UBAP1L: variants seen among roughly 807,000 people sequenced by gnomAD.
UBAP1L encodes ubiquitin associated protein 1 like, also known as ubiquitin-associated protein 1-like.
UBAP1L carries 32 observed loss-of-function variants against 32.1 expected under a neutral mutation model. That is an observed-to-expected ratio of 1.00 (90% CI 0.75 to 1.34). UBAP1L has a LOEUF of 1.34. UBAP1L is among the 40% of genes most tolerant of loss of function. The pLI, the probability that UBAP1L is intolerant of heterozygous loss-of-function variation, is 0.00. For synonymous variants in UBAP1L, 243 were observed against 250.2 expected, an observed-to-expected ratio of 0.97 and a Z score of 0.27; for missense variants, 516 against 540.5, an observed-to-expected ratio of 0.95 and a Z score of 0.45.
chr15:65,103,830 G>A (rs2087272076), intron 2 of UBAP1L, among the ~76,000 whole-genome samples: 1 of 152,218 alleles, frequency 6.6e-6, no homozygotes, highest in Non-Finnish European at 1.5e-5. Flanking sequence ...CAGAACTAAT[G>A]AGGCATACTT....
At chr15:65,110,041 A>G (rs967821635) in intron 1 of UBAP1L, among the ~76,000 whole-genome samples, 1 of 152,220 alleles carries the variant, frequency 6.6e-6, no homozygotes, top group Non-Finnish European at 1.5e-5. Flanking sequence ...AAACTACATT[A>G]AATATTGAGT....
intron 2 of UBAP1L, chr15:65,104,960 TTG>T: frequency 3.0e-6 from 1 of 338,056 alleles, no homozygotes; most frequent in Non-Finnish European, 6.0e-6. Flanking sequence ...TGAGCCGAGA[TTG>T]CGCCACTGCA....
intron 2 of UBAP1L, chr15:65,104,879 T>C (rs1419344591): frequency 1.0e-5 from 4 of 390,110 alleles, no homozygotes; most frequent in Admixed American, 6.4e-5. Flanking sequence ...TGGTGGTGCA[T>C]GCCTGTAATC....
At position 65,110,709 on chromosome 15, in the gene UBAP1L, A is replaced by G. The variant is rs910432346; in HGVS notation, c.-173-4321T>C. ...CAAAAAAAAAAAAAAAAAAGAAAAG[A>G]AAAGAAAAAGAACAAACTCATTCAC... On this transcript the variant is annotated intron_variant, in intron 1 of 5. Transcript: ENST00000559089. Among the ~76,000 whole-genome samples the G allele has an allele frequency of 2.0e-5, 3 of 151,512 alleles. No individual in the cohort carries two copies. In the East Asian group the frequency reaches 5.8e-4, roughly 29 times the overall value.
chr15:65,112,909 TA>T (rs1469170294), intron 1 of UBAP1L, among the ~76,000 whole-genome samples: 1 of 152,216 alleles, frequency 6.6e-6, no homozygotes, highest in East Asian at 1.9e-4. Flanking sequence ...TTTTATCTCC[TA>T]AATCTCTGGA....
intron 1 of UBAP1L, among the ~76,000 whole-genome samples, chr15:65,110,708 GA>G (rs1210248622): frequency 6.8e-6 from 1 of 147,114 alleles, no homozygotes; most frequent in Non-Finnish European, 1.5e-5. Flanking sequence ...AAAAAGAAAA[GA>G]AAAGAAAAAG....
At chr15:65,097,857 C>T (rs377316532) in intron 4 of UBAP1L, 2 of 152,138 alleles carry the variant, frequency 1.3e-5, no homozygotes, top group African/African-American at 4.8e-5. Context: ...TCTGCCATTC[C>T]CTCTGGCAGA....
At chr15:65,097,738 G>T (rs1354986166) in intron 4 of UBAP1L, 1 of 152,210 alleles carries the variant, frequency 6.6e-6, no homozygotes, top group East Asian at 1.9e-4. Flanking sequence ...TCCAGGACAG[G>T]GCATGAACTG....
intron 1 of UBAP1L, among the ~76,000 whole-genome samples, chr15:65,110,689 A>G (rs1333315009): frequency 1.3e-5 from 2 of 150,668 alleles, no homozygotes; most frequent in Non-Finnish European, 3.0e-5. Flanking sequence ...TGTCTCAAAA[A>G]AAAAAAAAAA....
At chr15:65,097,449 T>C (rs1163095837) in intron 4 of UBAP1L, 3 of 152,234 alleles carry the variant, frequency 2.0e-5, no homozygotes, top group Non-Finnish European at 2.9e-5. Flanking sequence ...CCTGGGAGGT[T>C]CTCACACAGA....
chr15:65,113,652 A>G (rs1376491361), intron 1 of UBAP1L, among the ~76,000 whole-genome samples: 1 of 152,112 alleles, frequency 6.6e-6, no homozygotes, highest in African/African-American at 2.4e-5. Flanking sequence ...GGAGACTGAG[A>G]CGAGAGAACT....
chr15:65,111,639 C>CA, intron 1 of UBAP1L, among the ~76,000 whole-genome samples: 1 of 152,158 alleles, frequency 6.6e-6, no homozygotes, highest in Non-Finnish European at 1.5e-5. Context: ...CACCCACCAC[C>CA]ACGCCTGGCT....
chr15:65,093,122 T>G lies in UBAP1L; in HGVS notation c.1121A>C (p.Glu374Ala), dbSNP rs963808214. The change falls in exon 6 of 6, where the codon GAG becomes GCG. Residue 374 changes from glutamate (E) to alanine (A), a missense_variant. Glu to Ala is a moderately radical substitution (Grantham distance 107, BLOSUM62 -1). Transcript: ENST00000559089. ...TCACTGGGCACAGGCCACCAGCTCC[T>G]CCAGGGCTTGCTCTCGGCGGTTGCC... ...VHGNRREQAL[E>A]ELVACAQ The G allele has an allele frequency of 3.9e-6, 6 of 1,549,384 alleles. No homozygotes were observed. The African/African-American group carries it at 8.2e-5, about 21-fold the overall frequency.
Position 65,102,797 on chromosome 15 carries a change from C to A in UBAP1L, c.121-113G>T. On this transcript the variant is annotated intron_variant, in intron 2 of 5. Transcript: ENST00000559089. This position sits in a 1 kb window ranked among gnomAD's most constrained non-coding sequence, Gnocchi z 5.0. ...CCAGAGACTCTCTAAGCCTGGACAGCGTCAGATTCTGAGCCCCGGGCTTCC... is the reference window on the plus strand; with the variant it reads ...CCAGAGACTCTCTAAGCCTGGACAGAGTCAGATTCTGAGCCCCGGGCTTCC... 1.0e-6 allele frequency: 1 copy of A among 993,580 alleles called. No individual in the cohort carries two copies. Among genetic ancestry groups the A allele is most frequent in the Admixed American group, 3.1e-5 (1 of 32,342 alleles). 61.5% of individuals were successfully genotyped at this position (993,580 alleles called of 1,614,324 possible).
At position 65,102,192 on chromosome 15, in the gene UBAP1L, G is replaced by A. The variant is rs2087248443; in HGVS notation, c.613C>T (p.Gln205Ter). 4 of 1,198,936 alleles carry A rather than the reference G, an allele frequency of 3.3e-6. No individual in the cohort carries two copies. Among genetic ancestry groups the A allele is most frequent in the African/African-American group, 1.6e-5 (1 of 62,622 alleles). The allele number at this position is 1,198,936 out of a possible 1,614,324, so 74.3% of individuals were successfully genotyped here. A position where few individuals can be genotyped will look rare whatever the true frequency, so the allele number is the denominator to read the frequency against. The part of the protein sequence containing the change: ...RSASPPGPAP[Q>*]HPAAPASPPR... ...GGCGACGCGGGGGCGGCGGGGTGCT[G>A]GGGCGCGGGCCCCGGGGGTGATGCA... The change falls in exon 3 of 6, where the codon CAG (glutamine) becomes TAG (stop). Residue 205 changes from glutamine to a stop codon, truncating the protein, a stop_gained. Coordinates refer to ENST00000559089, the MANE Select transcript of UBAP1L (RefSeq NM_001163692.2). LOFTEE classifies it high-confidence loss of function. This position sits in a 1 kb window ranked among gnomAD's most constrained non-coding sequence, Gnocchi z 5.0.
chr15:65,110,444 G>A lies in UBAP1L; in HGVS notation c.-173-4056C>T, dbSNP rs139432664. Among the ~76,000 whole-genome samples the A allele has an allele frequency of 3.6e-4, 54 of 151,444 alleles. No individual in the cohort carries two copies. The East Asian group carries it at 9.8e-3, about 27-fold the overall frequency. ...TCTAATCCCAGCACTCTGGGAGGCCGAGGTGGGTGGATCACCTGAGGTCAG... is the reference window on the plus strand; with the variant it reads ...TCTAATCCCAGCACTCTGGGAGGCCAAGGTGGGTGGATCACCTGAGGTCAG... On this transcript the variant is annotated intron_variant, in intron 1 of 5. Coordinates refer to ENST00000559089, the MANE Select transcript of UBAP1L (RefSeq NM_001163692.2).
At position 65,094,190 on chromosome 15, in the gene UBAP1L, AG is replaced by A. The variant is rs1429487889; in HGVS notation, c.1011+284del. On this transcript the variant is annotated intron_variant, in intron 5 of 5. Coordinates refer to ENST00000559089, the MANE Select transcript of UBAP1L (RefSeq NM_001163692.2). This position sits in a 1 kb window ranked among gnomAD's most constrained non-coding sequence, Gnocchi z 4.2. ...ACAAAGAGTGGCCATTCAGTCACAGAGGCTGTGTTGATTAAGTCTAATAAAG... is the reference window on the plus strand; with the variant it reads ...ACAAAGAGTGGCCATTCAGTCACAGAGCTGTGTTGATTAAGTCTAATAAAG... Among the ~76,000 whole-genome samples the A allele has an allele frequency of 6.6e-6, 1 of 152,168 alleles. No individual in the cohort carries two copies. The highest frequency in any genetic ancestry group is 1.5e-5 in the Non-Finnish European group (1 of 68,026).
intron 1 of UBAP1L, among the ~76,000 whole-genome samples, chr15:65,108,775 A>AT (rs1285373670): frequency 2.8e-4 from 42 of 151,468 alleles, no homozygotes; most frequent in African/African-American, 8.5e-4. Flanking sequence ...AAATAAATAA[A>AT]TAAATTAAAT....
chr15:65,102,769 C>A lies in UBAP1L; in HGVS notation c.121-85G>T. On this transcript the variant is annotated intron_variant, in intron 2 of 5. Transcript: ENST00000559089. This position sits in a 1 kb window ranked among gnomAD's most constrained non-coding sequence, Gnocchi z 5.0. ...AACCCCTGGCCTGGGGGACCCTGTT[C>A]AGCCAGAGACTCTCTAAGCCTGGAC... The A allele has an allele frequency of 8.1e-7, 1 of 1,241,192 alleles. No homozygotes were observed. Among genetic ancestry groups the A allele is most frequent in the African/African-American group, 1.5e-5 (1 of 65,034 alleles). The allele number at this position is 1,241,192 out of a possible 1,614,324, so 76.9% of individuals were successfully genotyped here. A position where few individuals can be genotyped will look rare whatever the true frequency, so the allele number is the denominator to read the frequency against.
Sources: gnomAD v4.1 joint callset for allele counts (sites outside exome capture counted in the v4.1 genomes callset) on GRCh38, gnomAD v4.1.1 for gene constraint, Gnocchi (gnomAD v3.1) non-coding constraint, MANE v1.5 for transcripts, NCBI Gene and HGNC (gene_info 2026-07-23, HGNC 2026-07-21) for gene names.